Variants in SORCS3 observed in about 807,000 individuals in gnomAD.
SORCS3 encodes the protein sortilin related VPS10 domain containing receptor 3, also known as VPS10 domain-containing receptor SorCS3.
SORCS3 carries 57 observed loss-of-function variants against 146.3 expected under a neutral mutation model. The observed-to-expected ratio is 0.39, with a 90% CI of 0.31 to 0.49. The LOEUF is 0.49. SORCS3 is among the 20% of genes least tolerant of loss of function. The pLI, the probability that SORCS3 is intolerant of heterozygous loss-of-function variation, is 0.92. For synonymous variants in SORCS3, 653 were observed against 618.5 expected (o/e 1.06, Z -0.83); for missense variants, 1,341 against 1,575.5 (o/e 0.85, Z 2.52).
chr10:105,028,848 G>A (rs537589459), intron 4 of SORCS3, among the ~76,000 whole-genome samples: 3 of 152,252 alleles, frequency 2.0e-5, no homozygotes, highest in African/African-American at 7.2e-5. Flanking sequence ...AGGCACTCAG[G>A]ATAAAGTTCC....
At chr10:104,958,737 T>G (rs936303992) in intron 3 of SORCS3, among the ~76,000 whole-genome samples, 3 of 152,146 alleles carry the variant, frequency 2.0e-5, no homozygotes, top group African/African-American at 7.2e-5. Context: ...ACTGAGTAAT[T>G]TATAAAGCAA....
intron 1 of SORCS3, among the ~76,000 whole-genome samples, chr10:104,812,147 T>C (rs145732043): frequency 6.6e-6 from 1 of 152,306 alleles, no homozygotes; most frequent in East Asian, 1.9e-4. Flanking sequence ...AACTCTCCTG[T>C]TCAGTGGTAG....
intron 5 of SORCS3, among the ~76,000 whole-genome samples, chr10:105,083,053 A>G (rs1170901075): frequency 6.6e-6 from 1 of 152,114 alleles, no homozygotes; most frequent in African/African-American, 2.4e-5. Flanking sequence ...AACTTTTTAA[A>G]TGTTCATAGG....
rs371266816 is a variant in SORCS3, at chr10:104,811,755, G to C, written c.628-31037G>C. 1.9e-4 allele frequency among the ~76,000 whole-genome samples: 29 copies of C among 152,300 alleles called. No homozygotes were observed. The East Asian group carries it at 4.1e-3, about 21-fold the overall frequency. On this transcript the variant is annotated intron_variant, in intron 1 of 26. Coordinates refer to ENST00000369701, the MANE Select transcript of SORCS3 (RefSeq NM_014978.3). ...GAGCGGTGCAGGGCAGATGATGGTG[G>C]CAGCCAGATAGCAGACAGCCTTACA... is the stretch of plus-strand genomic sequence containing the variant.
At chr10:104,725,777 T>G (rs1371063197) in intron 1 of SORCS3, among the ~76,000 whole-genome samples, 1 of 152,230 alleles carries the variant, frequency 6.6e-6, no homozygotes, top group African/African-American at 2.4e-5. Flanking sequence ...CGCTGAGCCA[T>G]GCGCGGGATA....
At chr10:104,690,713 G>C (rs994686347) in intron 1 of SORCS3, among the ~76,000 whole-genome samples, 2 of 152,146 alleles carry the variant, frequency 1.3e-5, no homozygotes, top group African/African-American at 2.4e-5. Context: ...GAGTTGATGA[G>C]GACGAGGTCT....
At chr10:104,725,617 G>A (rs1358360796) in intron 1 of SORCS3, among the ~76,000 whole-genome samples, 1 of 152,220 alleles carries the variant, frequency 6.6e-6, no homozygotes, top group East Asian at 1.9e-4. Flanking sequence ...GCTGAGGTGG[G>A]CTCCACCCAG....
chr10:105,259,168 C>G (rs2056946745), intron 25 of SORCS3, among the ~76,000 whole-genome samples: 1 of 152,292 alleles, frequency 6.6e-6, no homozygotes, highest in South Asian at 2.1e-4. Context: ...ATCATCAGTA[C>G]TGTTTAATAC....
At chr10:105,007,415 C>T (rs1271921210) in intron 4 of SORCS3, among the ~76,000 whole-genome samples, 1 of 152,170 alleles carries the variant, frequency 6.6e-6, no homozygotes, top group African/African-American at 2.4e-5. Context: ...TTCAGAATCT[C>T]ATTTAATTCT....
At chr10:104,653,434 C>T (rs780328050) in intron 1 of SORCS3, among the ~76,000 whole-genome samples, 10 of 152,122 alleles carry the variant, frequency 6.6e-5, no homozygotes, top group Non-Finnish European at 1.5e-4. Flanking sequence ...ATTAGTGCCT[C>T]TGTTTTTTGG....
intron 7 of SORCS3, among the ~76,000 whole-genome samples, chr10:105,134,373 C>T (rs2056043574): frequency 6.6e-6 from 1 of 152,114 alleles, no homozygotes; most frequent in South Asian, 2.1e-4. Context: ...AGAAGATCAG[C>T]TCTCTCAGTC....
intron 7 of SORCS3, among the ~76,000 whole-genome samples, chr10:105,135,455 G>T (rs1485250709): frequency 6.6e-6 from 1 of 152,182 alleles, no homozygotes; most frequent in Non-Finnish European, 1.5e-5. Flanking sequence ...GCATCTGGCT[G>T]CCTTCTAGCT....
chr10:105,015,318 T>C (rs12357659), intron 4 of SORCS3, among the ~76,000 whole-genome samples: 28,421 of 152,182 alleles, frequency 0.19, 2,703 homozygotes, highest in South Asian at 0.26. Flanking sequence ...CATGCATGAA[T>C]GTTTACACAT....
chr10:105,156,681 A>G (rs2056211952), intron 9 of SORCS3, among the ~76,000 whole-genome samples: 1 of 152,234 alleles, frequency 6.6e-6, no homozygotes, highest in Non-Finnish European at 1.5e-5. Context: ...AAGCTGGATC[A>G]TCTGCCCCAG....
At chr10:104,706,213 T>TTTC (rs1665562530) in intron 1 of SORCS3, among the ~76,000 whole-genome samples, 1 of 138,240 alleles carries the variant, frequency 7.2e-6, no homozygotes, top group African/African-American at 2.8e-5. Context: ...TTTTTTTTTT[T>TTTC]TTTTTTTTTT....
chr10:104,765,186 A>G (rs926887655), intron 1 of SORCS3, among the ~76,000 whole-genome samples: 1 of 152,140 alleles, frequency 6.6e-6, no homozygotes, highest in Admixed American at 6.5e-5. Flanking sequence ...CCTTAACCAT[A>G]CTTCCTCTGT....
At chr10:104,818,366 T>TTCCG (rs2017830403) in intron 1 of SORCS3, among the ~76,000 whole-genome samples, 1 of 139,962 alleles carries the variant, frequency 7.1e-6, no homozygotes, top group African/African-American at 3.0e-5. Context: ...CCTTTCTTCC[T>TTCCG]TCCTTCCTTC....
intron 2 of SORCS3, among the ~76,000 whole-genome samples, chr10:104,910,114 G>A (rs1038591886): frequency 6.6e-6 from 1 of 152,176 alleles, no homozygotes; most frequent in East Asian, 1.9e-4. Flanking sequence ...GCACCTCTAC[G>A]AAGTTGAAGA....
chr10:105,158,667 G>A (rs1275949746), intron 10 of SORCS3, among the ~76,000 whole-genome samples: 1 of 152,000 alleles, frequency 6.6e-6, no homozygotes, highest in Non-Finnish European at 1.5e-5. Flanking sequence ...ATTGTGGTTG[G>A]GGGGCAGAGG....
Sources: allele counts gnomAD v4.1 joint callset (sites outside exome capture counted in the v4.1 genomes callset), GRCh38; gene constraint gnomAD v4.1.1; transcripts MANE v1.5; gene names NCBI Gene and HGNC (gene_info 2026-07-23, HGNC 2026-07-21).